Variants in MYO10 observed in about 807,000 individuals in gnomAD.
MYO10 encodes the protein unconventional myosin-X.
A neutral mutation model predicts 257.3 loss-of-function variants in MYO10; 133 were observed. The observed-to-expected ratio is 0.52, with a 90% confidence interval of 0.45 to 0.60. The LOEUF is 0.60. Among genes scored for constraint, MYO10 ranks in the 20% least tolerant of loss-of-function variants. The pLI is 0.00. For missense variants in MYO10, 2,399 were observed against 2,635.7 expected, an observed-to-expected ratio of 0.91 and a Z score of 1.97; for synonymous variants, 1,104 against 1,028.6, an observed-to-expected ratio of 1.07 and a Z score of -1.40.
chr5:16,753,206 G>A (rs1462658344), intron 19 of MYO10, among the ~76,000 whole-genome samples: 2 of 152,060 alleles, frequency 1.3e-5, no homozygotes, highest in East Asian at 1.9e-4. Context: ...TAGCTCTGTC[G>A]CCCAGGATGG....
rs541802279 is a variant in MYO10, at chr5:16,771,665, G to A, written c.931-2462C>T. On this transcript the variant is annotated intron_variant, in intron 9 of 40. Transcript: ENST00000513610. ...TGTGATCAAGGCTCACTGCAGCCTC[G>A]ACTTCCCAGGCTCAGGTGATTCTCC... Among the ~76,000 whole-genome samples the A allele has an allele frequency of 3.8e-3, 573 of 150,898 alleles. 4 individuals are homozygous for A. The highest frequency in any genetic ancestry group is 6.4e-3 in the Non-Finnish European group (437 of 67,790).
intron 8 of MYO10, among the ~76,000 whole-genome samples, chr5:16,780,058 T>C (rs892722512): frequency 1.3e-5 from 2 of 152,088 alleles, no homozygotes; most frequent in African/African-American, 4.8e-5. Context: ...CGAACCACCA[T>C]GCCTGGCTAA....
chr5:16,684,422 G>A (rs932000484), intron 29 of MYO10, among the ~76,000 whole-genome samples: 2 of 152,112 alleles, frequency 1.3e-5, no homozygotes, highest in Non-Finnish European at 2.9e-5. Flanking sequence ...TTGTGTTTTA[G>A]TAGAGATGGG....
chr5:16,915,458 C>G, intron 1 of MYO10, among the ~76,000 whole-genome samples: 1 of 152,178 alleles, frequency 6.6e-6, no homozygotes, highest in East Asian at 1.9e-4. Context: ...GTGCATCAGT[C>G]AATCAGTCGT....
In MYO10 at chr5:16,794,788, T is replaced by C; in HGVS notation, c.325A>G (p.Ile109Val). The C allele has an allele frequency of 1.3e-6, 2 of 1,599,342 alleles. No individual in the cohort carries two copies. The highest frequency in any genetic ancestry group is 1.1e-5 in the South Asian group (1 of 88,766). ...ILASVNPYQP[I>V]AGLYEPATME... ...GTGGCAGGCTCGTACAGCCCGGCGA[T>C]GGGCTGGTAGGGGTTCACGGAGGCC... is the stretch of plus-strand genomic sequence containing the variant. Residue 109 changes from isoleucine (I) to valine (V), a missense_variant, in exon 4 of 41, where the codon ATC becomes GTC. Ile to Val is a conservative substitution (Grantham distance 29). Around this residue, in one of 3 missense-constraint regions of MYO10, gnomAD observed 242 missense variants for 249.5 expected, o/e 0.97. Transcript: ENST00000513610.
At chr5:16,921,361 G>C (rs915236716) in intron 1 of MYO10, among the ~76,000 whole-genome samples, 1 of 152,034 alleles carries the variant, frequency 6.6e-6, no homozygotes, top group Admixed American at 6.6e-5. Flanking sequence ...GCACTTAGGG[G>C]GTGAGGGGTC....
intron 4 of MYO10, among the ~76,000 whole-genome samples, chr5:16,794,216 GAAA>G (rs374361148): frequency 6.6e-6 from 1 of 151,948 alleles, no homozygotes; most frequent in African/African-American, 2.4e-5. Flanking sequence ...TTGCAGTAGA[GAAA>G]AAAGAAACCT....
At position 16,681,990 on chromosome 5, in the gene MYO10, G is replaced by A. The variant is rs751939451; in HGVS notation, c.4070C>T (p.Thr1357Met). ...PDRPNSFVII[T>M]ANRVLHCNAD... ...GTTGCAGTGCAGCACCCGGTTGGCC[G>A]TGATGATCACAAACGAGTTGGGTCT... Residue 1357 changes from threonine (T) to methionine (M), a missense_variant, in exon 31 of 41, where the codon ACG becomes ATG. Transcript: ENST00000513610. 38 of 1,613,538 alleles carry A rather than the reference G, an allele frequency of 2.4e-5. No homozygotes were observed. The highest frequency in any genetic ancestry group is 1.1e-4 in the African/African-American group (8 of 74,906).
chr5:16,685,384 A>AT (rs1053112835), intron 29 of MYO10, among the ~76,000 whole-genome samples: 4 of 151,302 alleles, frequency 2.6e-5, no homozygotes, highest in African/African-American at 9.7e-5. Context: ...ATAATTTTTA[A>AT]TTTTTTTCAT....
intron 4 of MYO10, 58 bp downstream of exon 4, chr5:16,794,588 G>C: frequency 6.7e-7 from 1 of 1,481,492 alleles, no homozygotes; most frequent in Non-Finnish European, 9.1e-7. Context: ...TGGGGTTGGG[G>C]GTGCGCGGAG....
At chr5:16,717,807 AC>A (rs1241227088) in intron 19 of MYO10, among the ~76,000 whole-genome samples, 14 of 152,150 alleles carry the variant, frequency 9.2e-5, no homozygotes, top group Non-Finnish European at 1.8e-4. Context: ...CAGAGCCCTC[AC>A]TTGCTCTCGG....
chr5:16,676,235 C>A lies in MYO10; in HGVS notation c.4543-81G>T, dbSNP rs1736718842. 26 of 1,531,994 alleles carry A rather than the reference C, an allele frequency of 1.7e-5. No individual in the cohort carries two copies. In the Admixed American group the frequency reaches 5.3e-4, roughly 31 times the overall value. The allele number at this position is 1,531,994 out of a possible 1,614,324, so 94.9% of individuals were successfully genotyped here. A position where few individuals can be genotyped will look rare whatever the true frequency, so the allele number is the denominator to read the frequency against. On this transcript the variant is annotated intron_variant, in intron 33 of 40. Transcript: ENST00000513610. ...ATATTTTTCAAGACTCTCAAATATC[C>A]ATAAACCTAGTGGGGCAAAGATGGT... is the stretch of plus-strand genomic sequence containing the variant.
chr5:16,888,256 T>C (rs1744947059), intron 1 of MYO10, among the ~76,000 whole-genome samples: 1 of 152,120 alleles, frequency 6.6e-6, no homozygotes, highest in Admixed American at 6.6e-5. Context: ...AGGCTGGGCA[T>C]AGTGACTCAC....
At chr5:16,681,748 C>CAA (rs1392421934) in intron 31 of MYO10, 123 bp downstream of exon 31, 1 of 1,272,506 alleles carries the variant, frequency 7.9e-7, no homozygotes, top group African/African-American at 1.5e-5. Context: ...AAATCACTTA[C>CAA]AAAATCTCCA....
rs897195203 is a variant in MYO10 at position 16,908,325 on chromosome 5, C to A, written c.21+27463G>T. 4.0e-5 allele frequency among the ~76,000 whole-genome samples: 6 copies of A among 151,772 alleles called. No individual in the cohort carries two copies. The South Asian group carries it at 1.3e-3, about 32-fold the overall frequency. Reference sequence around the variant, plus strand: ...GATGGATCACTTGAGGTCAGGAGTTCGAGAGCAGCCTGGCCAATATGGTGA... The same window carrying A: ...GATGGATCACTTGAGGTCAGGAGTTAGAGAGCAGCCTGGCCAATATGGTGA... On this transcript the variant is annotated intron_variant, in intron 1 of 40. Transcript: ENST00000513610.
intron 26 of MYO10, 109 bp downstream of exon 26, chr5:16,699,341 G>T: frequency 7.2e-7 from 1 of 1,397,396 alleles, no homozygotes; most frequent in Non-Finnish European, 9.6e-7. Flanking sequence ...CCATCCATCA[G>T]CCCAGATACA....
intron 21 of MYO10, among the ~76,000 whole-genome samples, chr5:16,707,916 A>C (rs890373285): frequency 6.6e-6 from 1 of 152,214 alleles, no homozygotes; most frequent in African/African-American, 2.4e-5. Context: ...TGCCTTCGAC[A>C]CTGGCTAAAC....
intron 19 of MYO10, among the ~76,000 whole-genome samples, chr5:16,729,825 T>A (rs1217626747): frequency 6.6e-6 from 1 of 152,110 alleles, no homozygotes; most frequent in East Asian, 1.9e-4. Context: ...CCCTACGAAC[T>A]CATCCACTCA....
At chr5:16,677,154 TAAAC>T (rs771224424) in intron 33 of MYO10, among the ~76,000 whole-genome samples, 3 of 152,284 alleles carry the variant, frequency 2.0e-5, no homozygotes, top group Admixed American at 2.0e-4. Context: ...GAACCTTAAA[TAAAC>T]AGAAAAGTTG....
Sources: gnomAD v4.1 joint callset for allele counts (sites outside exome capture counted in the v4.1 genomes callset) on GRCh38, gnomAD v4.1.1 for gene constraint, gnomAD v4.1.1 regional missense constraint, MANE v1.5 for transcripts, NCBI Gene and HGNC (gene_info 2026-07-23, HGNC 2026-07-21) for gene names.